ELAC2: variants seen among roughly 807,000 people sequenced by gnomAD.
ELAC2 encodes zinc phosphodiesterase ELAC protein 2.
A neutral mutation model predicts 105.2 loss-of-function variants in ELAC2; 92 were observed. That is an observed-to-expected ratio of 0.87 (90% CI 0.74 to 1.04). ELAC2 has a LOEUF of 1.04. ELAC2 is among the 50% of genes least tolerant of loss of function. The pLI is 0.00. For missense variants in ELAC2, 1,099 were observed against 1,071.7 expected (o/e 1.03, Z -0.36); for synonymous variants, 468 against 409.1 (o/e 1.14, Z -1.74).
rs1178066189 is a variant in ELAC2 at position 12,994,902 on chromosome 17, G to A, written c.1909-18C>T. ...GTCTGAAACTGAAAGGGTGGGGCTG[G>A]AGGGCTCTGCAGCTCTGCTCCCCAC... On this transcript the variant is annotated intron_variant, in intron 20 of 23. Coordinates refer to ENST00000338034, the MANE Select transcript of ELAC2 (RefSeq NM_018127.7). 1 of 1,614,110 alleles carries A rather than the reference G, an allele frequency of 6.2e-7. No individual in the cohort carries two copies.
chr17:13,011,902 C>T, intron 6 of ELAC2, 120 bp from the exon 7 acceptor site: 2 of 1,485,448 alleles, frequency 1.3e-6, no homozygotes. Flanking sequence ...TTTTACTATA[C>T]AGTAGGAAAT....
Position 12,992,524 on chromosome 17 carries a change from GC to G in ELAC2, c.*293del. On this transcript the variant is annotated 3_prime_UTR_variant, in exon 24 of 24. Transcript: ENST00000338034. Reference sequence around the variant, plus strand: ...TTTGCTGGATTAGAGGAAAGGTGCCGCCGTCTGTTTCCAAGACTTCTTTAAA... The same window carrying G: ...TTTGCTGGATTAGAGGAAAGGTGCCGCGTCTGTTTCCAAGACTTCTTTAAA... 1 of 484,310 alleles carries G rather than the reference GC, an allele frequency of 2.1e-6. No individual in the cohort carries two copies. Among genetic ancestry groups the G allele is most frequent in the South Asian group, 2.4e-5 (1 of 41,628 alleles). 30.0% of individuals were successfully genotyped at this position (484,310 alleles called of 1,614,324 possible). A position where few individuals can be genotyped will look rare whatever the true frequency, so the allele number is the denominator to read the frequency against.
intron 14 of ELAC2, among the ~76,000 whole-genome samples, chr17:13,001,369 G>A (rs1469265637): frequency 6.6e-6 from 1 of 152,144 alleles, no homozygotes; most frequent in African/African-American, 2.4e-5. Flanking sequence ...GCAGGCGCCT[G>A]TAATTCCAGC....
chr17:13,013,081 T>G, intron 6 of ELAC2, 126 bp downstream of exon 6: 1 of 1,108,522 alleles, frequency 9.0e-7, no homozygotes, highest in South Asian at 1.3e-5. Context: ...CTCAACTAAA[T>G]TTTCTAATCA....
intron 12 of ELAC2, among the ~76,000 whole-genome samples, chr17:13,003,093 T>C (rs1025321887): frequency 6.6e-6 from 1 of 152,134 alleles, no homozygotes; most frequent in Non-Finnish European, 1.5e-5. Flanking sequence ...GGAAATGAAG[T>C]GAAATGAAGG....
At chr17:13,014,120 C>T (rs903393720) in intron 5 of ELAC2, among the ~76,000 whole-genome samples, 2 of 151,922 alleles carry the variant, frequency 1.3e-5, no homozygotes, top group Non-Finnish European at 2.9e-5. Context: ...GGTGAAACCC[C>T]GTCTCTACTA....
chr17:13,017,229 A>T, intron 1 of ELAC2, 108 bp from the exon 2 acceptor site: 6 of 1,220,576 alleles, frequency 4.9e-6, no homozygotes. Flanking sequence ...AAAGAAAAAA[A>T]AATTAAAAGT....
chr17:12,994,979 G>C lies in ELAC2; in HGVS notation c.1892C>G (p.Thr631Arg), dbSNP rs1271402843. ...GCCCCTTACCTCTTCCAAATCACAT[G>C]TTCGCAACAGCGAACTGATCAATCT... ...VERLISSLLR[T>R]CDLEEFQTCL... The change falls in exon 20 of 24, where the codon ACA (threonine) becomes AGA (arginine). Residue 631 changes from threonine to arginine, a missense_variant. By Grantham distance (71) the Thr-to-Arg change is moderately conservative. Transcript: ENST00000338034. The C allele has an allele frequency of 6.2e-7, 1 of 1,614,068 alleles. No individual in the cohort carries two copies. The highest frequency in any genetic ancestry group is 8.5e-7 in the Non-Finnish European group (1 of 1,180,050).
At position 13,000,279 on chromosome 17, in the gene ELAC2, A is replaced by AG. The variant is rs200410915; in HGVS notation, c.1305-6dup. ...TTGCAAGTAATAATGGCATCCCTGC[A>AG]GGAAGAGAGAGAAGCATCTCAGGTG... On this transcript the variant is annotated splice_polypyrimidine_tract_variant and splice_region_variant and intron_variant, in intron 14 of 23. Coordinates refer to ENST00000338034, the MANE Select transcript of ELAC2 (RefSeq NM_018127.7). 13,070 of 1,613,398 alleles carry AG rather than the reference A, an allele frequency of 8.1e-3. 633 individuals are homozygous for AG. In the East Asian group the frequency reaches 0.14, roughly 18 times the overall value.
chr17:12,996,085 C>T, intron 17 of ELAC2, 107 bp from the exon 18 acceptor site: 1 of 1,256,196 alleles, frequency 8.0e-7, no homozygotes, highest in Non-Finnish European at 1.1e-6. Context: ...CGACGTCACC[C>T]ACCAGCCTCT....
Position 13,017,724 on chromosome 17 carries a change from T to C in ELAC2, c.224A>G (p.Tyr75Cys), listed in dbSNP as rs137859574. ...AGSRDSGAAL[Y>C]VFSEFNRYLF... The stretch of plus-strand genomic sequence containing the variant: ...TGACCGGTTGAACTCGGAGAAGACG[T>C]AGAGCGCGGCGCCCGAGTCCCGGCT... Residue 75 changes from tyrosine to cysteine, a missense_variant, in exon 1 of 24, where the codon TAC becomes TGC. Tyr to Cys is a radical substitution (Grantham distance 194). Coordinates refer to ENST00000338034, the MANE Select transcript of ELAC2 (RefSeq NM_018127.7). The C allele has an allele frequency of 2.0e-5, 32 of 1,612,830 alleles. No individual in the cohort carries two copies. Among genetic ancestry groups the C allele is most frequent in the Non-Finnish European group, 2.6e-5 (31 of 1,179,702 alleles).
intron 4 of ELAC2, 65 bp from the exon 5 acceptor site, chr17:13,014,561 G>A: frequency 8.5e-7 from 1 of 1,183,312 alleles, no homozygotes; most frequent in Non-Finnish European, 1.3e-6. Flanking sequence ...AACTATTCAA[G>A]TATTTAAAAG....
intron 21 of ELAC2, 81 bp downstream of exon 21, chr17:12,994,683 C>A (rs2040377250): frequency 1.2e-6 from 2 of 1,611,282 alleles, no homozygotes; most frequent in Non-Finnish European, 1.7e-6. Context: ...CTGACGTTTC[C>A]CTGCAAGCCC....
At chr17:12,995,131 C>T (rs2040406682) in intron 19 of ELAC2, 69 bp from the exon 20 acceptor site, 1 of 1,538,420 alleles carries the variant, frequency 6.5e-7, no homozygotes. Context: ...AAGTTTAAGT[C>T]TTTGGCTGGA....
At chr17:12,997,635 C>A (rs1167360954) in intron 16 of ELAC2, among the ~76,000 whole-genome samples, 2 of 152,146 alleles carry the variant, frequency 1.3e-5, no homozygotes, top group Non-Finnish European at 2.9e-5. Context: ...GAGAAACACA[C>A]CCCAGATTGT....
chr17:13,010,223 T>C (rs149470009), intron 8 of ELAC2, among the ~76,000 whole-genome samples: 1 of 151,842 alleles, frequency 6.6e-6, no homozygotes, highest in Admixed American at 6.6e-5. Flanking sequence ...CAGGCTGGAG[T>C]GCAATGGTGC....
chr17:13,017,737 C>T lies in ELAC2; in HGVS notation c.211G>A (p.Gly71Ser). The part of the protein sequence containing the change: ...QVVAAGSRDS[G>S]AALYVFSEFN... ...TCGGAGAAGACGTAGAGCGCGGCGCCCGAGTCCCGGCTACCCGCTGCCACC... is the reference window on the plus strand; with the variant it reads ...TCGGAGAAGACGTAGAGCGCGGCGCTCGAGTCCCGGCTACCCGCTGCCACC... The change falls in exon 1 of 24, where the codon GGC (glycine) becomes AGC (serine). Residue 71 changes from glycine (G) to serine (S), a missense_variant. Transcript: ENST00000338034. The T allele has an allele frequency of 6.2e-7, 1 of 1,612,410 alleles. No homozygotes were observed. The highest frequency in any genetic ancestry group is 8.5e-7 in the Non-Finnish European group (1 of 1,179,622).
chr17:13,000,148 C>G lies in ELAC2; in HGVS notation c.1423+8G>C. On this transcript the variant is annotated splice_region_variant and intron_variant, in intron 15 of 23. Coordinates refer to ENST00000338034, the MANE Select transcript of ELAC2 (RefSeq NM_018127.7). Reference sequence around the variant, plus strand: ...GAAAGAAAGGCTGCTCTGTGGGCTCCCACTCACCTGCTGGGGCTGGGCCGT... The same window carrying G: ...GAAAGAAAGGCTGCTCTGTGGGCTCGCACTCACCTGCTGGGGCTGGGCCGT... 1 of 1,612,278 alleles carries G rather than the reference C, an allele frequency of 6.2e-7. No individual in the cohort carries two copies. Among genetic ancestry groups the G allele is most frequent in the Non-Finnish European group, 8.5e-7 (1 of 1,179,324 alleles).
intron 20 of ELAC2, 32 bp downstream of exon 20, chr17:12,994,931 G>GC: frequency 6.2e-7 from 1 of 1,614,056 alleles, no homozygotes; most frequent in East Asian, 2.2e-5. Flanking sequence ...TCCCCACCTC[G>GC]CCCCCATGAT....
Sources: allele counts gnomAD v4.1 joint callset (sites outside exome capture counted in the v4.1 genomes callset), GRCh38; gene constraint gnomAD v4.1.1; transcripts MANE v1.5; gene names NCBI Gene and HGNC (gene_info 2026-07-23, HGNC 2026-07-21).